PNPT1: variants seen among roughly 807,000 people sequenced by gnomAD.
PNPT1 encodes the protein polyribonucleotide nucleotidyltransferase 1, mitochondrial.
A neutral mutation model predicts 119.5 loss-of-function variants in PNPT1; 53 were observed. The ratio of observed to expected loss-of-function variants is 0.44; its 90% confidence interval spans 0.36 to 0.56. The LOEUF is 0.56. PNPT1 is among the 20% of genes least tolerant of loss of function. The pLI is 0.00. For missense variants in PNPT1, 948 were observed against 938.5 expected, an observed-to-expected ratio of 1.01 and a Z score of -0.13; for synonymous variants, 357 against 322.1, an observed-to-expected ratio of 1.11 and a Z score of -1.16.
intron 15 of PNPT1, 142 bp from the exon 16 acceptor site, chr2:55,656,513 G>A: frequency 1.4e-6 from 1 of 725,420 alleles, no homozygotes. Context: ...TAAATATACA[G>A]AAAACGTATG....
chr2:55,659,030 C>T (rs1008251067), intron 15 of PNPT1, among the ~76,000 whole-genome samples: 9 of 152,164 alleles, frequency 5.9e-5, no homozygotes, highest in Non-Finnish European at 8.8e-5. Context: ...TAATGGCTTG[C>T]TGCATTCTCA....
At chr2:55,652,642 G>A (rs1035846302) in intron 18 of PNPT1, among the ~76,000 whole-genome samples, 2 of 152,008 alleles carry the variant, frequency 1.3e-5, no homozygotes, top group East Asian at 1.9e-4. Context: ...AGTATGAATG[G>A]TGCACCTATT....
chr2:55,639,385 A>G (rs1695774628), intron 26 of PNPT1, among the ~76,000 whole-genome samples: 1 of 152,222 alleles, frequency 6.6e-6, no homozygotes, highest in African/African-American at 2.4e-5. Flanking sequence ...GTCCATAGAC[A>G]TTTACCAAAC....
Position 55,680,860 on chromosome 2 carries a change from T to C in PNPT1, c.512A>G (p.Asn171Ser). 6.2e-7 allele frequency: 1 copy of C among 1,613,978 alleles called. No homozygotes were observed. Among genetic ancestry groups the C allele is most frequent in the East Asian group, 2.2e-5 (1 of 44,864 alleles). ...ATCTCTACTTTTATACTTACCGCCA[T>C]TAATTGCTAGGACATCAGGCTCATT... ...GVNEPDVLAI[N>S]GASVALSLSD... The change falls in exon 6 of 28, where the codon AAT becomes AGT. Residue 171 changes from asparagine (N) to serine (S), a missense_variant. Asn to Ser is a conservative substitution (Grantham distance 46). Transcript: ENST00000447944.
chr2:55,666,136 A>G (rs1273386449), intron 13 of PNPT1, among the ~76,000 whole-genome samples: 1 of 152,228 alleles, frequency 6.6e-6, no homozygotes, highest in Non-Finnish European at 1.5e-5. Flanking sequence ...TAGAAAATGC[A>G]AACTAATTTA....
rs6728482 is a variant in PNPT1 at position 55,690,408 on chromosome 2, C to G, written c.162-2703G>C. Among the ~76,000 whole-genome samples, 1,138 of 152,292 alleles carry G rather than the reference C, an allele frequency of 7.5e-3. 21 individuals are homozygous for G. Among genetic ancestry groups the G allele is most frequent in the African/African-American group, 0.026 (1,088 of 41,550 alleles). ...AGTTTCGGCAACATTCTATCATAGT[C>G]TGGTGCTGAAAATGCACAAACCAAA... On this transcript the variant is annotated intron_variant, in intron 1 of 27. Coordinates refer to ENST00000447944, the MANE Select transcript of PNPT1 (RefSeq NM_033109.5).
At chr2:55,650,602 C>A (rs542480219) in intron 18 of PNPT1, among the ~76,000 whole-genome samples, 31 of 152,024 alleles carry the variant, frequency 2.0e-4, no homozygotes, top group African/African-American at 7.5e-4. Context: ...TCCCGGCCGC[C>A]ATCCCATCTG....
At chr2:55,646,359 A>G in intron 20 of PNPT1, 37 bp from the exon 21 acceptor site, 1 of 1,598,546 alleles carries the variant, frequency 6.3e-7, no homozygotes, top group Non-Finnish European at 8.6e-7. Flanking sequence ...ATAAATATTG[A>G]CTCATGGCAT....
intron 17 of PNPT1, among the ~76,000 whole-genome samples, chr2:55,655,542 A>G (rs1428296723): frequency 6.6e-6 from 1 of 152,240 alleles, no homozygotes; most frequent in Non-Finnish European, 1.5e-5. Flanking sequence ...TCTCATTCTC[A>G]TAAGCCCATT....
rs1222668048 is a variant in PNPT1, at chr2:55,634,092, T to G, written c.*2145A>C. Among the ~76,000 whole-genome samples the G allele has an allele frequency of 6.6e-6, 1 of 152,206 alleles. No homozygotes were observed. The highest frequency in any genetic ancestry group is 1.5e-5 in the Non-Finnish European group (1 of 68,046). On this transcript the variant is annotated 3_prime_UTR_variant, in exon 28 of 28. Transcript: ENST00000447944. ...GTAGAAAGCAAATAAATTTAATCTTTCATTTTCAATTAATCTTTAATATTT... is the reference window on the plus strand; with the variant it reads ...GTAGAAAGCAAATAAATTTAATCTTGCATTTTCAATTAATCTTTAATATTT...
At chr2:55,678,174 A>G (rs547952938) in intron 8 of PNPT1, among the ~76,000 whole-genome samples, 2 of 152,360 alleles carry the variant, frequency 1.3e-5, no homozygotes, top group Admixed American at 1.3e-4. Flanking sequence ...CTAACAGCGA[A>G]TAAACAAACG....
At chr2:55,666,343 C>T (rs745348031) in intron 13 of PNPT1, among the ~76,000 whole-genome samples, 3 of 152,108 alleles carry the variant, frequency 2.0e-5, no homozygotes, top group South Asian at 2.1e-4. Flanking sequence ...ATTGCAACCT[C>T]GAACTCCTGG....
At chr2:55,671,686 T>G (rs574116979) in intron 10 of PNPT1, among the ~76,000 whole-genome samples, 2 of 152,252 alleles carry the variant, frequency 1.3e-5, no homozygotes, top group East Asian at 1.9e-4. Context: ...ATACAAAAGA[T>G]AGCTGAGTGT....
chr2:55,640,256 C>T (rs560725499), intron 26 of PNPT1, among the ~76,000 whole-genome samples: 1 of 152,160 alleles, frequency 6.6e-6, no homozygotes, highest in Admixed American at 6.5e-5. Flanking sequence ...CGGGTTCAAG[C>T]GATTCTCCTT....
At chr2:55,674,950 A>G (rs1351972008) in intron 8 of PNPT1, among the ~76,000 whole-genome samples, 4 of 152,254 alleles carry the variant, frequency 2.6e-5, no homozygotes, top group Non-Finnish European at 5.9e-5. Context: ...ATTATATCTC[A>G]ATAAATTGCT....
At position 55,672,982 on chromosome 2, in the gene PNPT1, A is replaced by G. The variant is rs779236063; in HGVS notation, c.777T>C (p.Ile259=). The G allele has an allele frequency of 1.2e-6, 2 of 1,613,566 alleles. No homozygotes were observed. Among genetic ancestry groups the G allele is most frequent in the Non-Finnish European group, 1.7e-6 (2 of 1,179,896 alleles). Residue 259 remains isoleucine, a synonymous_variant, in exon 9 of 28, where the codon ATT becomes ATC. Transcript: ENST00000447944. ...VKYTQQIIQG[I]QQLVKETGVT... ...CACCAGTTTCTTTTACCAACTGCTGAATGCCCTGAATTATTTGTTGGGTAT... is the reference window on the plus strand; with the variant it reads ...CACCAGTTTCTTTTACCAACTGCTGGATGCCCTGAATTATTTGTTGGGTAT...
chr2:55,644,065 C>G (rs937454144), intron 23 of PNPT1, among the ~76,000 whole-genome samples: 1 of 152,036 alleles, frequency 6.6e-6, no homozygotes, highest in Non-Finnish European at 1.5e-5. Context: ...ATAATAGAAC[C>G]CTTTCCTTAC....
At chr2:55,645,009 C>A (rs528974077) in intron 22 of PNPT1, 4 of 306,188 alleles carry the variant, frequency 1.3e-5, no homozygotes, top group Non-Finnish European at 1.2e-5. Context: ...TTTATCTTAC[C>A]ATGATCACTA....
chr2:55,691,359 G>C (rs1304570362), intron 1 of PNPT1, among the ~76,000 whole-genome samples: 1 of 152,144 alleles, frequency 6.6e-6, no homozygotes, highest in Non-Finnish European at 1.5e-5. Context: ...TAATCTTCCA[G>C]AATGCAGTAA....
Sources: allele counts gnomAD v4.1 joint callset (sites outside exome capture counted in the v4.1 genomes callset), GRCh38; gene constraint gnomAD v4.1.1; transcripts MANE v1.5; gene names NCBI Gene and HGNC (gene_info 2026-07-23, HGNC 2026-07-21).